R3HDML: variants seen among roughly 807,000 people sequenced by gnomAD.
R3HDML encodes the protein peptidase inhibitor R3HDML.
A neutral mutation model predicts 24.2 loss-of-function variants in R3HDML; 21 were observed. The observed-to-expected ratio is 0.87, with a 90% CI of 0.62 to 1.25. The LOEUF (loss-of-function observed/expected upper bound fraction) is 1.25. Among genes scored for constraint, R3HDML ranks in the 50% most tolerant of loss-of-function variants. R3HDML has a pLI of 0.00. For missense variants in R3HDML, 301 were observed against 340.3 expected (o/e 0.88, Z 0.91); for synonymous variants, 133 against 131.5 (o/e 1.01, Z -0.08).
chr20:44,344,287 A>G (rs1386683910), intron 3 of R3HDML, among the ~76,000 whole-genome samples: 2 of 151,800 alleles, frequency 1.3e-5, no homozygotes, highest in Non-Finnish European at 2.9e-5. Flanking sequence ...TCTCAAAAAA[A>G]AAAAAAAAGT....
chr20:44,337,559 G>A lies in R3HDML; in HGVS notation c.261+141G>A, dbSNP rs185106341. ...CCCCACTAGCCAGTATCTGGGTGTC[G>A]ACCTGTGGAAAGGGCAGGAGTTAAT... On this transcript the variant is annotated intron_variant, in intron 1 of 4. Transcript: ENST00000217043. The surrounding 1 kb of genome is among the most constrained non-coding windows in gnomAD (Gnocchi z 4.7). The A allele has an allele frequency of 6.7e-6, 6 of 895,268 alleles. No individual in the cohort carries two copies. Among genetic ancestry groups the A allele is most frequent in the Admixed American group, 2.6e-5 (1 of 37,764 alleles). 55.5% of individuals were successfully genotyped at this position (895,268 alleles called of 1,614,324 possible).
chr20:44,346,568 T>C (rs1408653394), intron 4 of R3HDML, among the ~76,000 whole-genome samples: 1 of 152,150 alleles, frequency 6.6e-6, no homozygotes, highest in Non-Finnish European at 1.5e-5. Context: ...ATCTCACTAC[T>C]GAATTAGACC....
intron 4 of R3HDML, among the ~76,000 whole-genome samples, chr20:44,348,737 C>T (rs1489563665): frequency 1.3e-5 from 2 of 152,144 alleles, no homozygotes; most frequent in African/African-American, 2.4e-5. Context: ...TAGTCTGGAA[C>T]TCCTGGGCTC....
chr20:44,341,148 C>A (rs781107845), intron 1 of R3HDML, 48 bp from the exon 2 acceptor site: 1 of 1,478,990 alleles, frequency 6.8e-7, no homozygotes, highest in South Asian at 1.2e-5. Flanking sequence ...ACAGTTGTGA[C>A]GATGGTGGCA....
chr20:44,348,515 CTTTCT>C (rs1230464085), intron 4 of R3HDML, among the ~76,000 whole-genome samples: 23 of 113,384 alleles, frequency 2.0e-4, no homozygotes, highest in Non-Finnish European at 3.4e-4. Flanking sequence ...CTTTCCTTTC[CTTTCT>C]TTTCTTCTGT....
Position 44,350,658 on chromosome 20 carries a change from AGG to A in R3HDML, c.631_632del (p.Gly211GlnfsTer27). ...GTCTCCCTGGGTCCTTTTCTCTTCC[AGG>A]GGCAACTGGATTGGCGAGTCCCCGT... On this transcript the variant is annotated splice_acceptor_variant and coding_sequence_variant, in exon 5 of 5. Transcript: ENST00000217043. LOFTEE classifies it high-confidence loss of function. 1.2e-6 allele frequency: 2 copies of A among 1,612,360 alleles called. No homozygotes were observed.
At chr20:44,342,568 T>G (rs112282825) in intron 2 of R3HDML, among the ~76,000 whole-genome samples, 1 of 152,218 alleles carries the variant, frequency 6.6e-6, no homozygotes, top group African/African-American at 2.4e-5. Context: ...TCGTAAATTA[T>G]GAATGTGCAT....
At position 44,337,144 on chromosome 20, in the gene R3HDML, T is replaced by G; in HGVS notation, c.-14T>G. The G allele has an allele frequency of 6.2e-7, 1 of 1,607,704 alleles. No homozygotes were observed. Among genetic ancestry groups the G allele is most frequent in the Middle Eastern group, 1.7e-4 (1 of 6,046 alleles). On this transcript the variant is annotated 5_prime_UTR_variant, in exon 1 of 5. Transcript: ENST00000217043. The surrounding 1 kb of genome is among the most constrained non-coding windows in gnomAD (Gnocchi z 4.7). ...TGATTGCACAAGGCAGACCTGTGAC[T>G]CCTCCATCCAGCTATGCCCCTGCTG...
chr20:44,346,462 C>T (rs1481338868), intron 4 of R3HDML, among the ~76,000 whole-genome samples: 2 of 152,186 alleles, frequency 1.3e-5, no homozygotes, highest in African/African-American at 4.8e-5. Context: ...GGGAAATAGA[C>T]AGGATTGACA....
rs117854947 is a variant in R3HDML, at chr20:44,350,905, C to T, written c.*113C>T. The T allele has an allele frequency of 0.024, 31,166 of 1,296,324 alleles. 515 individuals are homozygous for T. The highest frequency in any genetic ancestry group is 0.029 in the Non-Finnish European group (26,629 of 933,298). The allele number at this position is 1,296,324 out of a possible 1,614,324, so 80.3% of individuals were successfully genotyped here. On this transcript the variant is annotated 3_prime_UTR_variant, in exon 5 of 5. Coordinates refer to ENST00000217043, the MANE Select transcript of R3HDML (RefSeq NM_178491.4). ...TTTAAAGGATATGAGTTAGAATCAC[C>T]CCCTGTTGAATTTTCCCTCCTAGAT...
chr20:44,350,329 T>C (rs975313695), intron 4 of R3HDML, among the ~76,000 whole-genome samples: 1 of 151,086 alleles, frequency 6.6e-6, no homozygotes, highest in Non-Finnish European at 1.5e-5. Flanking sequence ...GCCTGAGCAG[T>C]ATAGGGAGAC....
At chr20:44,343,836 T>G (rs192616178) in intron 3 of R3HDML, among the ~76,000 whole-genome samples, 1 of 152,110 alleles carries the variant, frequency 6.6e-6, no homozygotes, top group East Asian at 1.9e-4. Flanking sequence ...AAAAGTTATA[T>G]ATATATAAAG....
intron 4 of R3HDML, 75 bp downstream of exon 4, chr20:44,345,453 T>C: frequency 1.0e-6 from 1 of 973,194 alleles, no homozygotes; most frequent in African/African-American, 1.6e-5. Context: ...AAAGATACGC[T>C]CCATATCCCT....
At position 44,337,510 on chromosome 20, in the gene R3HDML, G is replaced by T; in HGVS notation, c.261+92G>T. On this transcript the variant is annotated intron_variant, in intron 1 of 4. Transcript: ENST00000217043. The surrounding 1 kb of genome is among the most constrained non-coding windows in gnomAD (Gnocchi z 4.7). ...TTGGCCTAGAATGACTGGCTTTGAA[G>T]AGCTGGACCACTTGCCTGCCTGGCC... is the stretch of plus-strand genomic sequence containing the variant. 1 of 1,413,576 alleles carries T rather than the reference G, an allele frequency of 7.1e-7. No individual in the cohort carries two copies. The allele number at this position is 1,413,576 out of a possible 1,614,324, so 87.6% of individuals were successfully genotyped here. A position where few individuals can be genotyped will look rare whatever the true frequency, so the allele number is the denominator to read the frequency against.
intron 4 of R3HDML, among the ~76,000 whole-genome samples, chr20:44,345,701 G>A (rs1256084781): frequency 6.6e-6 from 1 of 151,938 alleles, no homozygotes; most frequent in Non-Finnish European, 1.5e-5. Flanking sequence ...TGGGGGAGGG[G>A]TGAGGCGGGA....
At chr20:44,338,451 A>G (rs4812821) in intron 1 of R3HDML, among the ~76,000 whole-genome samples, 8,578 of 152,228 alleles carry the variant, frequency 0.056, 888 homozygotes, top group East Asian at 0.37. Flanking sequence ...GAGGCAATAC[A>G]GTGTTGGGAG....
chr20:44,350,991 C>G lies in R3HDML; in HGVS notation c.*199C>G. The stretch of plus-strand genomic sequence containing the variant: ...ATGACCTCCTTGCCTTCCTTCTTTC[C>G]TAGTTGCATCTTTCTTTTCTTGGGC... On this transcript the variant is annotated 3_prime_UTR_variant, in exon 5 of 5. Coordinates refer to ENST00000217043, the MANE Select transcript of R3HDML (RefSeq NM_178491.4). The G allele has an allele frequency of 3.6e-6, 2 of 548,306 alleles. No homozygotes were observed. Among genetic ancestry groups the G allele is most frequent in the South Asian group, 5.0e-5 (2 of 39,652 alleles). The allele number at this position is 548,306 out of a possible 1,614,324, so 34.0% of individuals were successfully genotyped here.
At position 44,350,489 on chromosome 20, in the gene R3HDML, A is replaced by AAAATAAATAAAT. The variant is rs141709514; in HGVS notation, c.630-159_630-148dup. ...TGAGCTATGGGTGACAGAGCAAAACAAAATAAATAAATAAATAAATAAAGG... is the reference window on the plus strand; with the variant it reads ...TGAGCTATGGGTGACAGAGCAAAACAAAATAAATAAATAAATAAATAAATAAATAAATAAAGG... On this transcript the variant is annotated intron_variant, in intron 4 of 4. Coordinates refer to ENST00000217043, the MANE Select transcript of R3HDML (RefSeq NM_178491.4). 4.8e-5 allele frequency: 26 copies of AAAATAAATAAAT among 542,500 alleles called. No individual in the cohort carries two copies. In the African/African-American group the frequency reaches 5.0e-4, roughly 11 times the overall value. 33.6% of individuals were successfully genotyped at this position (542,500 alleles called of 1,614,324 possible).
intron 1 of R3HDML, among the ~76,000 whole-genome samples, chr20:44,340,115 C>T (rs540881160): frequency 3.3e-5 from 5 of 152,118 alleles, no homozygotes; most frequent in African/African-American, 7.2e-5. Context: ...CCACCACACC[C>T]GGCTAATTTT....
Sources: allele counts gnomAD v4.1 joint callset (sites outside exome capture counted in the v4.1 genomes callset), GRCh38; gene constraint gnomAD v4.1.1; non-coding constraint Gnocchi (gnomAD v3.1); transcripts MANE v1.5; gene names NCBI Gene and HGNC (gene_info 2026-07-23, HGNC 2026-07-21).